ARL15: variants seen among roughly 807,000 people sequenced by gnomAD.
ARL15 encodes ADP-ribosylation factor-like protein 15.
ARL15 carries 19 observed loss-of-function variants against 25.2 expected under a neutral mutation model. The observed-to-expected ratio is 0.75, with a 90% CI of 0.53 to 1.10. The LOEUF is 1.10. Among genes scored for constraint, ARL15 ranks in the 50% least tolerant of loss-of-function variants. The pLI is 0.00. For synonymous variants in ARL15, 94 were observed against 86.8 expected (o/e 1.08, Z -0.46); for missense variants, 220 against 246.0 (o/e 0.89, Z 0.71).
chr5:53,914,784 CTTCTTT>C (rs1745585131), intron 4 of ARL15, among the ~76,000 whole-genome samples: 1 of 152,060 alleles, frequency 6.6e-6, no homozygotes, highest in South Asian at 2.1e-4. Context: ...TTCTTTTTAT[CTTCTTT>C]TTCTTTTTCT....
intron 4 of ARL15, among the ~76,000 whole-genome samples, chr5:54,080,609 A>G (rs1223827636): frequency 6.6e-6 from 1 of 152,234 alleles, no homozygotes; most frequent in Non-Finnish European, 1.5e-5. Context: ...ACATGTTAAA[A>G]CCAACTATTT....
intron 1 of ARL15, among the ~76,000 whole-genome samples, chr5:54,303,446 G>A (rs1024472087): frequency 6.6e-6 from 1 of 152,094 alleles, no homozygotes; most frequent in African/African-American, 2.4e-5. Flanking sequence ...GGGAGGCAGA[G>A]GTTGCAGTGA....
At chr5:54,274,800 AAG>A (rs1287169632) in intron 1 of ARL15, among the ~76,000 whole-genome samples, 1 of 152,132 alleles carries the variant, frequency 6.6e-6, no homozygotes, top group African/African-American at 2.4e-5. Context: ...AGGCTGAGGC[AAG>A]AGAACTGCTT....
intron 4 of ARL15, among the ~76,000 whole-genome samples, chr5:54,089,272 C>A (rs1416779360): frequency 6.6e-6 from 1 of 152,110 alleles, no homozygotes. Context: ...CATGTTTTGT[C>A]TCTCCAATTA....
chr5:54,168,152 GA>G (rs1275091467), intron 2 of ARL15, among the ~76,000 whole-genome samples: 1 of 152,188 alleles, frequency 6.6e-6, no homozygotes, highest in Non-Finnish European at 1.5e-5. Context: ...TCACATAACA[GA>G]CATTCAATGA....
Position 53,921,045 on chromosome 5 carries a change from C to T in ARL15, c.463-34332G>A, listed in dbSNP as rs145519251. Among the ~76,000 whole-genome samples, 212 of 152,230 alleles carry T rather than the reference C, an allele frequency of 1.4e-3. 2 individuals are homozygous for T. Among genetic ancestry groups the T allele is most frequent in the African/African-American group, 5.0e-3 (208 of 41,534 alleles). On this transcript the variant is annotated intron_variant, in intron 4 of 4. Transcript: ENST00000504924. Reference sequence around the variant, plus strand: ...GAATAACTACAAGGAGCAGAGTGCCCCCACTGACCATATTGCACTGTGAGG... The same window carrying T: ...GAATAACTACAAGGAGCAGAGTGCCTCCACTGACCATATTGCACTGTGAGG...
At chr5:53,965,358 A>AGTGT (rs1350536346) in intron 4 of ARL15, among the ~76,000 whole-genome samples, 1 of 152,222 alleles carries the variant, frequency 6.6e-6, no homozygotes, top group African/African-American at 2.4e-5. Flanking sequence ...TAAGCATTTT[A>AGTGT]AAGACTATTT....
chr5:54,310,299 C>G, intron 1 of ARL15, 133 bp downstream of exon 1: 1 of 1,040,294 alleles, frequency 9.6e-7, no homozygotes, highest in Non-Finnish European at 1.4e-6. Flanking sequence ...GCTTACCAGC[C>G]GGCTGCGGGA....
At chr5:54,092,076 C>CACACACACA (rs751612273) in intron 4 of ARL15, among the ~76,000 whole-genome samples, 3 of 114,132 alleles carry the variant, frequency 2.6e-5, no homozygotes, top group African/African-American at 9.9e-5. Flanking sequence ...ACACACACCA[C>CACACACACA]CACCACCACC....
chr5:54,086,600 GA>G (rs1490217835), intron 4 of ARL15, among the ~76,000 whole-genome samples: 1 of 151,976 alleles, frequency 6.6e-6, no homozygotes, highest in Non-Finnish European at 1.5e-5. Flanking sequence ...GAATAGGAGG[GA>G]AAAATGAGAA....
rs59849804 is a variant in ARL15 at position 54,217,200 on chromosome 5, C to CT, written c.49-45273dup. On this transcript the variant is annotated intron_variant, in intron 1 of 4. Transcript: ENST00000504924. Reference sequence around the variant, plus strand: ...GGAATTTTAGTAAGACAATGCTTTTCTTTTTTTTTTTTTTTAAAAAGGGAG... The same window carrying CT: ...GGAATTTTAGTAAGACAATGCTTTTCTTTTTTTTTTTTTTTTAAAAAGGGAG... Among the ~76,000 whole-genome samples, 276 of 145,250 alleles carry CT rather than the reference C, an allele frequency of 1.9e-3. 2 individuals are homozygous for CT. In the East Asian group the frequency reaches 0.032, roughly 17 times the overall value.
intron 4 of ARL15, among the ~76,000 whole-genome samples, chr5:53,975,175 T>C (rs1747886854): frequency 6.6e-6 from 1 of 152,200 alleles, no homozygotes; most frequent in South Asian, 2.1e-4. Context: ...AGTATTTCCA[T>C]CTTTTTCTCT....
chr5:53,989,542 T>C (rs967651529), intron 4 of ARL15, among the ~76,000 whole-genome samples: 1 of 151,872 alleles, frequency 6.6e-6, no homozygotes, highest in African/African-American at 2.4e-5. Flanking sequence ...TGAAGTGTGA[T>C]ATCTTCATTC....
chr5:54,253,793 T>G (rs1757299727), intron 1 of ARL15, among the ~76,000 whole-genome samples: 1 of 152,140 alleles, frequency 6.6e-6, no homozygotes, highest in Non-Finnish European at 1.5e-5. Context: ...ATTCGTCATC[T>G]TGCCCAGGCT....
chr5:54,204,518 T>C (rs1755811874), intron 1 of ARL15, among the ~76,000 whole-genome samples: 1 of 152,164 alleles, frequency 6.6e-6, no homozygotes, highest in Non-Finnish European at 1.5e-5. Context: ...ATCTCCATTA[T>C]CCCCTTGGCA....
intron 4 of ARL15, among the ~76,000 whole-genome samples, chr5:53,892,515 T>C (rs1744748934): frequency 1.3e-5 from 2 of 152,214 alleles, no homozygotes; most frequent in Admixed American, 6.6e-5. Context: ...GTCCATTGCA[T>C]GGCATGTATT....
At chr5:54,113,732 C>A (rs1752810836) in intron 3 of ARL15, among the ~76,000 whole-genome samples, 2 of 152,150 alleles carry the variant, frequency 1.3e-5, no homozygotes, top group Admixed American at 1.3e-4. Context: ...TATTTTCAGA[C>A]TTTAATCATC....
rs116343543 is a variant in ARL15 at position 53,975,436 on chromosome 5, C to T, written c.463-88723G>A. Reference sequence around the variant, plus strand: ...GGGTCCTCCCTGTTACACTACTCCTCTAAGAAGTTCTCAAGGATCTTGGCC... The same window carrying T: ...GGGTCCTCCCTGTTACACTACTCCTTTAAGAAGTTCTCAAGGATCTTGGCC... On this transcript the variant is annotated intron_variant, in intron 4 of 4. Coordinates refer to ENST00000504924, the MANE Select transcript of ARL15 (RefSeq NM_019087.3). Among the ~76,000 whole-genome samples the T allele has an allele frequency of 4.8e-3, 738 of 152,318 alleles. 3 individuals are homozygous for T. Among genetic ancestry groups the T allele is most frequent in the Admixed American group, 8.6e-3 (131 of 15,294 alleles).
intron 4 of ARL15, among the ~76,000 whole-genome samples, chr5:53,989,924 G>A (rs1457181300): frequency 3.3e-5 from 5 of 152,096 alleles, no homozygotes; most frequent in Admixed American, 3.3e-4. Flanking sequence ...ACGTTGGGAG[G>A]CATGAAAAAG....
Sources: allele counts gnomAD v4.1 joint callset (sites outside exome capture counted in the v4.1 genomes callset), GRCh38; gene constraint gnomAD v4.1.1; transcripts MANE v1.5; gene names NCBI Gene and HGNC (gene_info 2026-07-23, HGNC 2026-07-21).